Variants in NXF1 observed in about 807,000 individuals in gnomAD.
The protein encoded by NXF1 is nuclear RNA export factor 1, also known as mRNA export factor TAP.
In NXF1, 43 loss-of-function variants were observed where a neutral mutation model predicts 92.4. The ratio of observed to expected loss-of-function variants is 0.47; its 90% CI spans 0.36 to 0.60. NXF1 has a LOEUF of 0.60. Among genes scored for constraint, NXF1 ranks in the 20% least tolerant of loss-of-function variants. The pLI is 0.00. For missense variants in NXF1, 576 were observed against 793.0 expected (o/e 0.73, Z 3.29); for synonymous variants, 288 against 292.2 (o/e 0.99, Z 0.15).
chr11:62,803,956 A>G lies in NXF1; in HGVS notation c.51T>C (p.Asn17=), dbSNP rs1250874593. 6.2e-7 allele frequency: 1 copy of G among 1,613,790 alleles called. No individual in the cohort carries two copies. Among genetic ancestry groups the G allele is most frequent in the East Asian group, 2.2e-5 (1 of 44,896 alleles). Residue 17 remains asparagine, a synonymous_variant, in exon 2 of 21, where the codon AAT becomes AAC. Transcript: ENST00000294172. ...SYSEHDDERV[N]FPQRKKKGRG... ...GGCCTTTCTTCTTTCTTTGAGGGAAATTAACGCGTTCATCATCGTGTTCTA... is the reference window on the plus strand; with the variant it reads ...GGCCTTTCTTCTTTCTTTGAGGGAAGTTAACGCGTTCATCATCGTGTTCTA...
intron 1 of NXF1, among the ~76,000 whole-genome samples, chr11:62,804,536 T>C (rs766680799): frequency 6.6e-6 from 1 of 152,178 alleles, no homozygotes; most frequent in Non-Finnish European, 1.5e-5. Flanking sequence ...TCCAGGAAGA[T>C]GACCTTCTGA....
rs754146017 is a variant in NXF1, at chr11:62,795,952, G to A, written c.1462-9C>T. On this transcript the variant is annotated splice_polypyrimidine_tract_variant and intron_variant, in intron 16 of 20. Coordinates refer to ENST00000294172, the MANE Select transcript of NXF1 (RefSeq NM_006362.5). ...AAACACAGCAATGTGCTCTGAAAGA[G>A]AAGCAGCATCAGGTACAATGTACAC... is the stretch of plus-strand genomic sequence containing the variant. 6.2e-7 allele frequency: 1 copy of A among 1,613,994 alleles called. No homozygotes were observed. Among genetic ancestry groups the A allele is most frequent in the South Asian group, 1.1e-5 (1 of 91,084 alleles).
intron 10 of NXF1, chr11:62,799,644 G>A (rs894120680): frequency 2.2e-5 from 22 of 985,584 alleles, no homozygotes; most frequent in Admixed American, 6.1e-5. Context: ...CAGCGCCCCC[G>A]AGGGGGTCAG....
At chr11:62,800,575 G>A in intron 9 of NXF1, 89 bp from the exon 10 acceptor site, 1 of 752,474 alleles carries the variant, frequency 1.3e-6, no homozygotes, top group Non-Finnish European at 2.1e-6. Flanking sequence ...GCTTAGCTCT[G>A]AGATCTTTTC....
At chr11:62,799,924 G>C in intron 10 of NXF1, 4 of 989,610 alleles carry the variant, frequency 4.0e-6, no homozygotes, top group Non-Finnish European at 4.8e-6. Flanking sequence ...AAGGGCAAGA[G>C]GGGCCATCAC....
At chr11:62,796,677 A>C (rs1565198527) in intron 13 of NXF1, 110 bp from the exon 14 acceptor site, 1 of 717,818 alleles carries the variant, frequency 1.4e-6, no homozygotes, top group African/African-American at 1.8e-5. Flanking sequence ...CATGCCTGTA[A>C]TCCCAGCACT....
Position 62,796,583 on chromosome 11 carries a change from AAAAG to A in NXF1, c.1179-20_1179-17del, listed in dbSNP as rs1186672602. 6.5e-7 allele frequency: 1 copy of A among 1,550,092 alleles called. No individual in the cohort carries two copies. Among genetic ancestry groups the A allele is most frequent in the Non-Finnish European group, 8.9e-7 (1 of 1,121,568 alleles). On this transcript the variant is annotated splice_polypyrimidine_tract_variant and intron_variant, in intron 13 of 20. Coordinates refer to ENST00000294172, the MANE Select transcript of NXF1 (RefSeq NM_006362.5). ...TGCATAGTACCTATGGGAAAAACAAAAAAGAAAGTATGGGCTCTGTGGTCTACAG... is the reference window on the plus strand; with the variant it reads ...TGCATAGTACCTATGGGAAAAACAAAAAAGTATGGGCTCTGTGGTCTACAG...
At chr11:62,793,984 T>C (rs973294631) in intron 19 of NXF1, among the ~76,000 whole-genome samples, 3 of 147,952 alleles carry the variant, frequency 2.0e-5, no homozygotes, top group South Asian at 2.1e-4. Context: ...CTGGGCAACA[T>C]AGCAAGACTC....
chr11:62,798,156 A>AG (rs1343928642), intron 11 of NXF1, among the ~76,000 whole-genome samples: 3 of 150,126 alleles, frequency 2.0e-5, no homozygotes, highest in Non-Finnish European at 4.4e-5. Context: ...GCCTGGTGCG[A>AG]GTGGCTCACG....
At position 62,800,466 on chromosome 11, in the gene NXF1, C is replaced by T. The variant is rs766204023; in HGVS notation, c.927G>A (p.Leu309=). ...SGNELKSERE[L]DKIKGLKLEE... Reference sequence around the variant, plus strand: ...CTAGCTTCAGCCCCTTTATCTTGTCCAATTCCCGCTCAGACTTCAACTGCA... The same window carrying T: ...CTAGCTTCAGCCCCTTTATCTTGTCTAATTCCCGCTCAGACTTCAACTGCA... Residue 309 remains leucine, a synonymous_variant, in exon 10 of 21, where the codon TTG becomes TTA. Transcript: ENST00000294172. The T allele has an allele frequency of 6.2e-7, 1 of 1,613,866 alleles. No homozygotes were observed.
Position 62,795,932 on chromosome 11 carries a change from C to T in NXF1, c.1473G>A (p.Leu491=). ...TGAAGACTCCATTGACAGAAAAACA[C>T]AGCAATGTGCTCTGAAAGAGAAGCA... ...VDISAQTSTL[L]CFSVNGVFKE... is the part of the protein sequence containing the mutation. The change falls in exon 17 of 21, where the codon CTG becomes CTA. Residue 491 remains leucine, a synonymous_variant. Coordinates refer to ENST00000294172, the MANE Select transcript of NXF1 (RefSeq NM_006362.5). 1 of 1,613,968 alleles carries T rather than the reference C, an allele frequency of 6.2e-7. No homozygotes were observed. Among genetic ancestry groups the T allele is most frequent in the Non-Finnish European group, 8.5e-7 (1 of 1,180,022 alleles).
Position 62,805,429 on chromosome 11 carries a change from C to G in NXF1, c.-73G>C, listed in dbSNP as rs927003085. ...GCAAACAACCTAACTCCCAAGCGCT[C>G]AGGACCGAAGTGTCCCTACGCCGGG... On this transcript the variant is annotated 5_prime_UTR_variant, in exon 1 of 21. Transcript: ENST00000294172. 28 of 1,601,700 alleles carry G rather than the reference C, an allele frequency of 1.7e-5. No individual in the cohort carries two copies. The highest frequency in any genetic ancestry group is 5.4e-5 in the African/African-American group (4 of 74,120).
intron 13 of NXF1, 76 bp downstream of exon 13, chr11:62,797,107 G>A: frequency 2.3e-4 from 230 of 981,826 alleles, no homozygotes; most frequent in East Asian, 1.1e-3. Flanking sequence ...AAAACAAAAA[G>A]ATTGATGTGT....
At chr11:62,793,280 T>G (rs1203770448) in intron 19 of NXF1, among the ~76,000 whole-genome samples, 1 of 152,222 alleles carries the variant, frequency 6.6e-6, no homozygotes, top group Non-Finnish European at 1.5e-5. Context: ...GATTTCACCA[T>G]GTTGTCCAGG....
intron 10 of NXF1, chr11:62,799,153 CAGAAAA>C: frequency 2.0e-6 from 2 of 983,708 alleles, no homozygotes; most frequent in Non-Finnish European, 2.4e-6. Flanking sequence ...AGGAGACAGA[CAGAAAA>C]AGGAAAGAGA....
intron 16 of NXF1, 24 bp from the exon 17 acceptor site, chr11:62,795,967 A>C (rs2084415930): frequency 6.2e-7 from 1 of 1,613,822 alleles, no homozygotes. Context: ...AGCATCAGGT[A>C]CAATGTACAC....
In NXF1 at chr11:62,801,545, AC is replaced by A. The variant is rs748513110; in HGVS notation, c.709+16del. 1.9e-6 allele frequency: 3 copies of A among 1,613,450 alleles called. No homozygotes were observed. The highest frequency in any genetic ancestry group is 2.5e-6 in the Non-Finnish European group (3 of 1,179,474). On this transcript the variant is annotated intron_variant, in intron 7 of 20. Coordinates refer to ENST00000294172, the MANE Select transcript of NXF1 (RefSeq NM_006362.5). The stretch of plus-strand genomic sequence containing the variant: ...CCTTATCACCACCTATCTGAGAACT[AC>A]TGCTGTCAACCATACCTGGGTCTGA...
intron 17 of NXF1, 157 bp from the exon 18 acceptor site, chr11:62,795,164 G>A: frequency 1.5e-6 from 1 of 654,052 alleles, no homozygotes; most frequent in Non-Finnish European, 2.7e-6. Context: ...GGGGTGAAGG[G>A]TCAGGTCAGA....
Position 62,801,868 on chromosome 11 carries a change from C to T in NXF1, c.559-49G>A, listed in dbSNP as rs545517264. ...CAGAAAACTCTAGGGAAGCCTAAGC[C>T]GCAAGAACAAGACCCAGTCCCTGCT... On this transcript the variant is annotated intron_variant, in intron 5 of 20. Coordinates refer to ENST00000294172, the MANE Select transcript of NXF1 (RefSeq NM_006362.5). The T allele has an allele frequency of 1.4e-5, 22 of 1,603,840 alleles. No homozygotes were observed. The South Asian group carries it at 1.8e-4, about 13-fold the overall frequency.
Sources: gnomAD v4.1 joint callset for allele counts (sites outside exome capture counted in the v4.1 genomes callset) on GRCh38, gnomAD v4.1.1 for gene constraint, MANE v1.5 for transcripts, NCBI Gene and HGNC (gene_info 2026-07-23, HGNC 2026-07-21) for gene names.